Variants in FAM83G observed in about 807,000 individuals in gnomAD.
FAM83G encodes the protein protein FAM83G.
Under a neutral mutation model 61.5 loss-of-function variants are expected in FAM83G, and 38 were observed. That is an observed-to-expected ratio of 0.62 (90% confidence interval 0.48 to 0.81). The LOEUF (loss-of-function observed/expected upper bound fraction) is 0.81, where lower values mean the gene tolerates loss of function less well. FAM83G is among the 30% of genes least tolerant of loss of function. The probability of loss-of-function intolerance (pLI) is 0.00; values close to 1 mark genes in which losing one functional copy is unlikely to be tolerated. For missense variants in FAM83G, 989 were observed against 1,133.6 expected, an observed-to-expected ratio of 0.87 and a Z score of 1.83; for synonymous variants, 470 against 476.1, an observed-to-expected ratio of 0.99 and a Z score of 0.17.
rs759357692 is a variant in FAM83G at position 18,969,449 on chromosome 17, G to A, written c.*1910C>T. 7.5e-6 allele frequency: 12 copies of A among 1,604,270 alleles called. 1 individual carries two copies. In the East Asian group the frequency reaches 2.2e-4, roughly 30 times the overall value. ...TGAGGACAGAGTCTGTGGCCATGGC[G>A]GGGCTGTCCCCACAGCGAGCCCTTT... On this transcript the variant is annotated 3_prime_UTR_variant, in exon 6 of 6. Coordinates refer to ENST00000388995, the MANE Select transcript of FAM83G (RefSeq NM_001039999.3).
chr17:18,978,777 C>G lies in FAM83G; in HGVS notation c.889G>C (p.Asp297His). 6.2e-7 allele frequency: 1 copy of G among 1,612,998 alleles called. No individual in the cohort carries two copies. Among genetic ancestry groups the G allele is most frequent in the Non-Finnish European group, 8.5e-7 (1 of 1,180,012 alleles). Residue 297 changes from aspartate to histidine, a missense_variant, in exon 5 of 6, where the codon GAC becomes CAC. Physicochemically the swap from Asp to His is moderately conservative, Grantham distance 81 (BLOSUM62 -1). Around this residue, in one of 3 missense-constraint regions of FAM83G, gnomAD observed 44 missense variants for 83.9 expected, o/e 0.52. Coordinates refer to ENST00000388995, the MANE Select transcript of FAM83G (RefSeq NM_001039999.3). ...VLSGQVVEMF[D>H]RQFQELYLMS... ...AGGTACAGCTCCTGGAACTGCCGGT[C>G]AAACATCTCCACCACCTGGCCAGAC...
chr17:19,005,733 C>G (rs965430576), upstream of FAM83G, among the ~76,000 whole-genome samples: 5 of 151,600 alleles, frequency 3.3e-5, no homozygotes, highest in Non-Finnish European at 7.4e-5. Flanking sequence ...AATGACTAGC[C>G]TCCTAGGCCC....
intron 5 of FAM83G, among the ~76,000 whole-genome samples, chr17:18,972,692 C>A (rs1049442139): frequency 4.6e-5 from 7 of 152,094 alleles, no homozygotes; most frequent in African/African-American, 1.7e-4. Flanking sequence ...GAAACCCCGT[C>A]TCTACTAAAA....
At position 18,978,030 on chromosome 17, in the gene FAM83G, T is replaced by C. The variant is rs745782645; in HGVS notation, c.1636A>G (p.Met546Val). The C allele has an allele frequency of 2.6e-6, 4 of 1,538,488 alleles. No individual in the cohort carries two copies. The South Asian group carries it at 3.8e-5, about 15-fold the overall frequency. The change falls in exon 5 of 6, where the codon ATG (methionine) becomes GTG (valine). Residue 546 changes from methionine (M) to valine (V), a missense_variant. Physicochemically the swap from Met to Val is conservative, Grantham distance 21 (BLOSUM62 1). Coordinates refer to ENST00000388995, the MANE Select transcript of FAM83G (RefSeq NM_001039999.3). ...QNGTDHRLPR[M>V]AGPGHAPLQR... ...AGTGGGGCGTGGCCTGGGCCTGCCA[T>C]CCTGGGTAGCCTATGGTCTGTCCCA...
chr17:18,986,326 C>T (rs1266838627), intron 3 of FAM83G: 2 of 152,202 alleles, frequency 1.3e-5, no homozygotes, highest in African/African-American at 4.8e-5. Context: ...TCAAGTTCAT[C>T]CTTTGATGCT....
chr17:18,971,302 G>T lies in FAM83G; in HGVS notation c.*57C>A. 6.2e-7 allele frequency: 1 copy of T among 1,608,340 alleles called. No homozygotes were observed. The highest frequency in any genetic ancestry group is 8.5e-7 in the Non-Finnish European group (1 of 1,176,288). ...GGCCCAGGCGGCCTGTCTGCCCTCC[G>T]CGTCATGAGTCTGGGCTGGGGCCTC... On this transcript the variant is annotated 3_prime_UTR_variant, in exon 6 of 6. Transcript: ENST00000388995. This position sits in a 1 kb window ranked among gnomAD's most constrained non-coding sequence, Gnocchi z 5.5.
chr17:18,971,768 G>C lies in FAM83G; in HGVS notation c.2083-20C>G. ...CTGGCCCTGGGAGAGAGAGAGCAGA[G>C]AGTGAGGCTGAGCAAGAAGGGCCAA... On this transcript the variant is annotated intron_variant, in intron 5 of 5. Coordinates refer to ENST00000388995, the MANE Select transcript of FAM83G (RefSeq NM_001039999.3). The surrounding 1 kb of genome is among the most constrained non-coding windows in gnomAD (Gnocchi z 5.5). 2 of 1,535,546 alleles carry C rather than the reference G, an allele frequency of 1.3e-6. No individual in the cohort carries two copies. The highest frequency in any genetic ancestry group is 2.0e-5 in the Admixed American group (1 of 49,856).
In FAM83G at chr17:19,004,332, T is replaced by C. The variant is rs1597897629; in HGVS notation, c.-128-163A>G. The stretch of plus-strand genomic sequence containing the variant: ...GCACTGGACTGGGATGGGAAGAAAG[T>C]AAGGGATCGGAACAGCGGTGAGGGA... On this transcript the variant is annotated intron_variant, in intron 1 of 5. Coordinates refer to ENST00000388995, the MANE Select transcript of FAM83G (RefSeq NM_001039999.3). This position sits in a 1 kb window ranked among gnomAD's most constrained non-coding sequence, Gnocchi z 5.4. 7 of 372,178 alleles carry C rather than the reference T, an allele frequency of 1.9e-5. No individual in the cohort carries two copies. The East Asian group carries it at 4.0e-4, about 22-fold the overall frequency. 23.1% of individuals were successfully genotyped at this position (372,178 alleles called of 1,614,324 possible). A position where few individuals can be genotyped will look rare whatever the true frequency, so the allele number is the denominator to read the frequency against.
chr17:18,974,781 A>T (rs528766286), intron 5 of FAM83G, among the ~76,000 whole-genome samples: 1 of 152,336 alleles, frequency 6.6e-6, no homozygotes, highest in African/African-American at 2.4e-5. Context: ...CATTTTGCAG[A>T]TGAGGAGCCC....
At chr17:18,972,010 G>A (rs934444042) in intron 5 of FAM83G, among the ~76,000 whole-genome samples, 4 of 152,316 alleles carry the variant, frequency 2.6e-5, no homozygotes, top group South Asian at 4.1e-4. Context: ...CCTCTATTCC[G>A]ACACAGGCCT....
intron 3 of FAM83G, among the ~76,000 whole-genome samples, chr17:18,984,014 A>T (rs552137066): frequency 2.1e-4 from 32 of 152,296 alleles, no homozygotes; most frequent in African/African-American, 7.7e-4. Context: ...ACAATGCCAA[A>T]TGTCCCTCAG....
At position 18,977,579 on chromosome 17, in the gene FAM83G, C is replaced by T; in HGVS notation, c.2082+5G>A. The T allele has an allele frequency of 6.2e-7, 1 of 1,606,124 alleles. No homozygotes were observed. Among genetic ancestry groups the T allele is most frequent in the Non-Finnish European group, 8.5e-7 (1 of 1,178,884 alleles). ...GACCCCTGGTGTGCAGGGACCCTGA[C>T]CCACCTGTGCCTCCTTGTCTGTGGA... On this transcript the variant is annotated splice_donor_5th_base_variant and intron_variant, in intron 5 of 5. Transcript: ENST00000388995.
At chr17:18,986,641 G>T (rs1228129658) in intron 3 of FAM83G, among the ~76,000 whole-genome samples, 1 of 152,230 alleles carries the variant, frequency 6.6e-6, no homozygotes, top group South Asian at 2.1e-4. Flanking sequence ...GGGCTTCTCT[G>T]CTGAGAAGGG....
intron 2 of FAM83G, among the ~76,000 whole-genome samples, chr17:18,988,713 C>A (rs1323923620): frequency 6.6e-6 from 1 of 152,248 alleles, no homozygotes; most frequent in African/African-American, 2.4e-5. Context: ...CTGAGATGAA[C>A]CTGATGTGTC....
intron 2 of FAM83G, among the ~76,000 whole-genome samples, chr17:19,001,994 G>A (rs1030882792): frequency 1.3e-5 from 2 of 152,312 alleles, no homozygotes; most frequent in Admixed American, 6.5e-5. Flanking sequence ...TGTGGGGACT[G>A]GGTTCTCTAG....
chr17:18,992,524 G>A (rs1257867127), intron 2 of FAM83G, among the ~76,000 whole-genome samples: 3 of 152,350 alleles, frequency 2.0e-5, no homozygotes, highest in Non-Finnish European at 2.9e-5. Flanking sequence ...GCTGGCGTTG[G>A]GGGTGGGACA....
chr17:18,978,904 C>T (rs2043060124), intron 4 of FAM83G, 54 bp from the exon 5 acceptor site: 1 of 1,585,972 alleles, frequency 6.3e-7, no homozygotes, highest in African/African-American at 1.3e-5. Context: ...TTCCTCCGCC[C>T]AGCCCCCGTG....
intron 5 of FAM83G, chr17:18,975,927 G>C (rs557999845): frequency 6.6e-6 from 1 of 151,594 alleles, no homozygotes; most frequent in Non-Finnish European, 1.5e-5. Flanking sequence ...GGTGGCTCAC[G>C]CTTGTAATCC....
At chr17:18,982,962 G>A (rs905417051) in intron 3 of FAM83G, among the ~76,000 whole-genome samples, 8 of 152,264 alleles carry the variant, frequency 5.3e-5, no homozygotes, top group Admixed American at 3.3e-4. Context: ...CACAGTACAG[G>A]TGGGGCCCTC....
Sources: gnomAD v4.1 joint callset for allele counts (sites outside exome capture counted in the v4.1 genomes callset) on GRCh38, gnomAD v4.1.1 for gene constraint, gnomAD v4.1.1 regional missense constraint, Gnocchi (gnomAD v3.1) non-coding constraint, MANE v1.5 for transcripts, NCBI Gene and HGNC (gene_info 2026-07-23, HGNC 2026-07-21) for gene names.